Variants in PBX1 observed in about 807,000 individuals in gnomAD.
PBX1 encodes pre-B-cell leukemia transcription factor 1.
In PBX1, 6 loss-of-function variants were observed where a neutral mutation model predicts 53.4. The observed-to-expected ratio is 0.11, with a 90% CI of 0.06 to 0.22. PBX1 has a LOEUF of 0.22. Among genes scored for constraint, PBX1 ranks in the 10% least tolerant of loss-of-function variants. PBX1 has a pLI of 1.00. For missense variants in PBX1, 251 were observed against 551.4 expected, an observed-to-expected ratio of 0.46 and a Z score of 5.46; for synonymous variants, 204 against 212.3, an observed-to-expected ratio of 0.96 and a Z score of 0.34.
intron 2 of PBX1, among the ~76,000 whole-genome samples, chr1:164,677,734 A>G (rs541452511): frequency 1.3e-5 from 2 of 152,076 alleles, no homozygotes; most frequent in Admixed American, 1.3e-4. Flanking sequence ...GTGGGGACAC[A>G]TGGTGTAGTA....
intron 2 of PBX1, among the ~76,000 whole-genome samples, chr1:164,675,936 C>A (rs1661410272): frequency 6.6e-6 from 1 of 152,132 alleles, no homozygotes; most frequent in Non-Finnish European, 1.5e-5. Context: ...AGTCTGGTAA[C>A]CTCTCACCCT....
downstream of PBX1, among the ~76,000 whole-genome samples, chr1:164,855,683 C>G (rs928807819): frequency 9.9e-5 from 15 of 152,260 alleles, no homozygotes; most frequent in African/African-American, 3.6e-4. Flanking sequence ...ACAGAGAGCA[C>G]GTGAGAAAGC....
chr1:164,666,172 A>G (rs559360640), intron 2 of PBX1, among the ~76,000 whole-genome samples: 9 of 152,182 alleles, frequency 5.9e-5, no homozygotes, highest in African/African-American at 9.6e-5. Context: ...CCCATTTGCA[A>G]TACTCTTGGG....
At chr1:164,785,346 C>A (rs1484052380) in intron 2 of PBX1, among the ~76,000 whole-genome samples, 1 of 152,272 alleles carries the variant, frequency 6.6e-6, no homozygotes, top group East Asian at 1.9e-4. Flanking sequence ...AACACGAGGA[C>A]CTGCTGCCCT....
chr1:164,660,122 A>C (rs1660396790), intron 2 of PBX1, among the ~76,000 whole-genome samples: 1 of 152,192 alleles, frequency 6.6e-6, no homozygotes. Flanking sequence ...GGTTGGGGGC[A>C]ATATTCTACA....
In PBX1 at chr1:164,872,234, G is replaced by A. The variant is rs76638394; in HGVS notation, n.258-26954G>A. On this transcript the variant is annotated intron_variant and non_coding_transcript_variant, in intron 2 of 2. Transcript: ENST00000558796. ...CAGGCAATCCTGCAGCCTTGGCCCC[G>A]ACCATTCCAGTGGTGGGGAGTTCAC... Among the ~76,000 whole-genome samples the A allele has an allele frequency of 1.0e-2, 1,521 of 152,304 alleles. 33 individuals are homozygous for A. Among genetic ancestry groups the A allele is most frequent in the African/African-American group, 0.034 (1,408 of 41,566 alleles).
At chr1:164,825,968 T>C (rs1005643763) in intron 8 of PBX1, among the ~76,000 whole-genome samples, 7 of 152,204 alleles carry the variant, frequency 4.6e-5, no homozygotes, top group Middle Eastern at 3.4e-3. Context: ...CTAGATGTGG[T>C]ATTGGAACCT....
At position 164,795,743 on chromosome 1, in the gene PBX1, C is replaced by A. The variant is rs142421001; in HGVS notation, c.510+3005C>A. 6.3e-3 allele frequency among the ~76,000 whole-genome samples: 952 copies of A among 152,124 alleles called. 9 individuals carry two copies. Among genetic ancestry groups the A allele is most frequent in the African/African-American group, 0.022 (915 of 41,496 alleles). ...CTGAGAGATATCTTCTTCATTTTTC[C>A]TGTAACAGTTCCTTATGGGGATTTT... On this transcript the variant is annotated intron_variant, in intron 3 of 8. Transcript: ENST00000420696.
chr1:164,885,748 G>T (rs1299438609), intron 2 of PBX1, among the ~76,000 whole-genome samples: 1 of 151,414 alleles, frequency 6.6e-6, no homozygotes. Flanking sequence ...ATCCGCAAAG[G>T]TCACTCTTTT....
rs1671624051 is a variant in PBX1 at position 164,847,329 on chromosome 1, G to A, written c.*653G>A. On this transcript the variant is annotated 3_prime_UTR_variant, in exon 9 of 9. Transcript: ENST00000420696. ...GACTGTCATAGCTGGGATTCTAAAG[G>A]TGCCACATTTTTCAGTTTCATCTCC... The A allele has an allele frequency of 9.4e-7, 1 of 1,064,904 alleles. No homozygotes were observed. The highest frequency in any genetic ancestry group is 1.1e-6 in the Non-Finnish European group (1 of 879,080). 66.0% of individuals were successfully genotyped at this position (1,064,904 alleles called of 1,614,324 possible). A position where few individuals can be genotyped will look rare whatever the true frequency, so the allele number is the denominator to read the frequency against.
chr1:164,809,392 C>T (rs938497901), intron 5 of PBX1, among the ~76,000 whole-genome samples: 1 of 152,154 alleles, frequency 6.6e-6, no homozygotes, highest in African/African-American at 2.4e-5. Flanking sequence ...CAAAGTCATG[C>T]CATTCTTTCT....
At chr1:164,790,284 A>G (rs894545309) in intron 2 of PBX1, among the ~76,000 whole-genome samples, 3 of 152,240 alleles carry the variant, frequency 2.0e-5, no homozygotes, top group Non-Finnish European at 4.4e-5. Flanking sequence ...AAGATCAGCC[A>G]AAGGAGCAGT....
At chr1:164,561,893 T>C (rs933502270) in intron 1 of PBX1, among the ~76,000 whole-genome samples, 4 of 152,166 alleles carry the variant, frequency 2.6e-5, no homozygotes, top group African/African-American at 9.6e-5. Flanking sequence ...ATAGAATTAA[T>C]TAAAACTATT....
At chr1:164,754,201 A>T (rs1235958517) in intron 2 of PBX1, among the ~76,000 whole-genome samples, 2 of 152,034 alleles carry the variant, frequency 1.3e-5, no homozygotes, top group Non-Finnish European at 2.9e-5. Flanking sequence ...TCATGGGAAA[A>T]AGCAGAGGCT....
At chr1:164,701,911 T>C (rs573881966) in intron 2 of PBX1, among the ~76,000 whole-genome samples, 7 of 152,204 alleles carry the variant, frequency 4.6e-5, no homozygotes, top group Non-Finnish European at 8.8e-5. Context: ...AACCTTTTGG[T>C]CTATATTAAA....
chr1:164,655,108 T>TTTTA (rs1553225099), intron 2 of PBX1, among the ~76,000 whole-genome samples: 1 of 150,466 alleles, frequency 6.6e-6, no homozygotes, highest in Non-Finnish European at 1.5e-5. Flanking sequence ...GTGTTTTTTT[T>TTTTA]TTTTTTTTAT....
intron 2 of PBX1, among the ~76,000 whole-genome samples, chr1:164,675,100 C>T (rs1174889085): frequency 6.6e-6 from 1 of 152,090 alleles, no homozygotes. Context: ...TGTCACACAG[C>T]TGGTAGATAG....
At chr1:164,646,537 A>G (rs1205315262) in intron 2 of PBX1, among the ~76,000 whole-genome samples, 1 of 151,986 alleles carries the variant, frequency 6.6e-6, no homozygotes, top group East Asian at 1.9e-4. Flanking sequence ...GGCCAAACCG[A>G]CCCCTTACTT....
At chr1:164,589,221 G>T (rs541050048) in intron 2 of PBX1, among the ~76,000 whole-genome samples, 95 of 152,250 alleles carry the variant, frequency 6.2e-4, no homozygotes, top group African/African-American at 2.1e-3. Context: ...ACTGGAAGGA[G>T]GAGGGGGGCG....
Sources: gnomAD v4.1 joint callset for allele counts (sites outside exome capture counted in the v4.1 genomes callset) on GRCh38, gnomAD v4.1.1 for gene constraint, MANE v1.5 for transcripts, NCBI Gene and HGNC (gene_info 2026-07-23, HGNC 2026-07-21) for gene names.